Variants in RUNDC3B observed in about 807,000 individuals in gnomAD.
RUNDC3B encodes the protein RUN domain containing 3B, also known as RUN domain-containing protein 3B.
RUNDC3B carries 33 observed loss-of-function variants against 58.4 expected under a neutral mutation model. That is an observed-to-expected ratio of 0.56 (90% CI 0.43 to 0.75). The LOEUF (loss-of-function observed/expected upper bound fraction) is 0.75. RUNDC3B is among the 30% of genes least tolerant of loss of function. The probability of loss-of-function intolerance (pLI) is 0.00; values close to 1 mark genes in which losing one functional copy is unlikely to be tolerated. For missense variants in RUNDC3B, 501 were observed against 535.7 expected (o/e 0.94, Z 0.64); for synonymous variants, 193 against 195.2 (o/e 0.99, Z 0.10).
intron 1 of RUNDC3B, among the ~76,000 whole-genome samples, chr7:87,650,507 T>C (rs1347404522): frequency 6.6e-6 from 1 of 152,150 alleles, no homozygotes; most frequent in Non-Finnish European, 1.5e-5. Context: ...ATGAAAGCTC[T>C]GCCCTCATTA....
intron 4 of RUNDC3B, among the ~76,000 whole-genome samples, chr7:87,732,324 T>C (rs1831631029): frequency 6.6e-6 from 1 of 152,040 alleles, no homozygotes; most frequent in Non-Finnish European, 1.5e-5. Context: ...AAAAAACTAC[T>C]TAATGATATA....
At chr7:87,805,502 A>G (rs767662092) in intron 8 of RUNDC3B, among the ~76,000 whole-genome samples, 38 of 152,190 alleles carry the variant, frequency 2.5e-4, no homozygotes, top group Non-Finnish European at 4.0e-4. Context: ...CATAGAAAAC[A>G]TCATTAGGAT....
intron 4 of RUNDC3B, among the ~76,000 whole-genome samples, chr7:87,718,361 C>G (rs2130768886): frequency 6.6e-6 from 1 of 152,194 alleles, no homozygotes; most frequent in Admixed American, 6.5e-5. Context: ...TTCTGCCTAG[C>G]ACCTATCAAA....
intron 1 of RUNDC3B, among the ~76,000 whole-genome samples, chr7:87,630,370 A>G (rs2130181503): frequency 6.6e-6 from 1 of 152,384 alleles, no homozygotes; most frequent in East Asian, 1.9e-4. Flanking sequence ...TAATTATTAC[A>G]GCACTTTGAG....
At chr7:87,635,646 A>G (rs905430966) in intron 1 of RUNDC3B, among the ~76,000 whole-genome samples, 3 of 152,158 alleles carry the variant, frequency 2.0e-5, no homozygotes, top group African/African-American at 7.2e-5. Context: ...CTTTCCATAT[A>G]GAAAAGTATA....
At chr7:87,635,702 AT>A (rs1162866083) in intron 1 of RUNDC3B, among the ~76,000 whole-genome samples, 6 of 152,334 alleles carry the variant, frequency 3.9e-5, no homozygotes, top group African/African-American at 1.4e-4. Context: ...GTAGGGCACA[AT>A]GTTGTAACTA....
intron 10 of RUNDC3B, among the ~76,000 whole-genome samples, chr7:87,820,281 A>G (rs1837341987): frequency 6.6e-6 from 1 of 152,220 alleles, no homozygotes; most frequent in Non-Finnish European, 1.5e-5. Flanking sequence ...TAAACTAGAA[A>G]ATCTAGAAGA....
chr7:87,773,415 G>A (rs1433918467), intron 7 of RUNDC3B, among the ~76,000 whole-genome samples: 1 of 151,118 alleles, frequency 6.6e-6, no homozygotes, highest in Non-Finnish European at 1.5e-5. Context: ...TGAAAAATAT[G>A]AAGCAAAAAT....
chr7:87,785,909 A>G (rs1416095230), intron 8 of RUNDC3B, among the ~76,000 whole-genome samples: 1 of 151,824 alleles, frequency 6.6e-6, no homozygotes, highest in African/African-American at 2.4e-5. Context: ...TATAGTTAGG[A>G]TCCCCGAGGT....
intron 3 of RUNDC3B, among the ~76,000 whole-genome samples, chr7:87,703,264 T>C (rs1196497556): frequency 6.6e-6 from 1 of 152,124 alleles, no homozygotes; most frequent in Non-Finnish European, 1.5e-5. Context: ...TTTTTTTTTC[T>C]TTTGGAAAAT....
intron 4 of RUNDC3B, among the ~76,000 whole-genome samples, chr7:87,733,420 A>G (rs1248388120): frequency 6.6e-6 from 1 of 152,184 alleles, no homozygotes; most frequent in Non-Finnish European, 1.5e-5. Flanking sequence ...GTCTCCCTGC[A>G]AGTATGTATT....
intron 1 of RUNDC3B, among the ~76,000 whole-genome samples, chr7:87,642,698 A>C (rs1822574525): frequency 6.6e-6 from 1 of 152,090 alleles, no homozygotes; most frequent in Admixed American, 6.5e-5. Context: ...CATCATTCTC[A>C]GCAAACTGTC....
chr7:87,634,553 C>T (rs1177799645), intron 1 of RUNDC3B, among the ~76,000 whole-genome samples: 4 of 150,958 alleles, frequency 2.6e-5, no homozygotes, highest in Admixed American at 2.6e-4. Flanking sequence ...CACTTGAACC[C>T]TGGGGCGGAG....
chr7:87,700,538 GTTC>G lies in RUNDC3B; in HGVS notation c.361_363del (p.Ser121del). On this transcript the variant is annotated inframe_deletion, in exon 3 of 11. Transcript: ENST00000394654. The stretch of plus-strand genomic sequence containing the variant: ...AGCATTGAAAATATGGAAAATGTCA[GTTC>G]TTCTAGAGCTAAGGTAAGACATTGG... 1 of 1,612,514 alleles carries G rather than the reference GTTC, an allele frequency of 6.2e-7. No individual in the cohort carries two copies. Among genetic ancestry groups the G allele is most frequent in the Non-Finnish European group, 8.5e-7 (1 of 1,179,542 alleles).
At chr7:87,756,847 T>G (rs1035295565) in intron 6 of RUNDC3B, among the ~76,000 whole-genome samples, 16 of 152,112 alleles carry the variant, frequency 1.1e-4, no homozygotes, top group African/African-American at 3.6e-4. Context: ...ATGTGGAATA[T>G]GCACTGTTTG....
intron 8 of RUNDC3B, among the ~76,000 whole-genome samples, chr7:87,787,570 G>A (rs1403828312): frequency 6.6e-6 from 1 of 151,990 alleles, no homozygotes; most frequent in East Asian, 1.9e-4. Context: ...TATACATTTT[G>A]TAGTTTGGGC....
intron 8 of RUNDC3B, among the ~76,000 whole-genome samples, chr7:87,795,412 T>G (rs1244869890): frequency 1.3e-5 from 2 of 152,130 alleles, no homozygotes; most frequent in African/African-American, 4.8e-5. Flanking sequence ...GAAATGCAGA[T>G]CAAAATTACA....
intron 8 of RUNDC3B, among the ~76,000 whole-genome samples, chr7:87,799,521 T>C (rs1563217508): frequency 6.6e-6 from 1 of 152,166 alleles, no homozygotes; most frequent in Non-Finnish European, 1.5e-5. Flanking sequence ...GCCTATGATT[T>C]TCTCAGTGTG....
chr7:87,682,367 A>G (rs1454091560), intron 2 of RUNDC3B, among the ~76,000 whole-genome samples: 1 of 152,190 alleles, frequency 6.6e-6, no homozygotes, highest in Non-Finnish European at 1.5e-5. Context: ...TTCTTGACGA[A>G]TCTTTTCCAG....
Sources: allele counts gnomAD v4.1 joint callset (sites outside exome capture counted in the v4.1 genomes callset), GRCh38; gene constraint gnomAD v4.1.1; transcripts MANE v1.5; gene names NCBI Gene and HGNC (gene_info 2026-07-23, HGNC 2026-07-21).